CCDC18: variants seen among roughly 807,000 people sequenced by gnomAD.
CCDC18 encodes coiled-coil domain-containing protein 18.
CCDC18 carries 157 observed loss-of-function variants against 196.0 expected under a neutral mutation model. The ratio of observed to expected loss-of-function variants is 0.80; its 90% CI spans 0.70 to 0.91. CCDC18 has a LOEUF of 0.91. Among genes scored for constraint, CCDC18 ranks in the 40% least tolerant of loss-of-function variants. The pLI is 0.00. For synonymous variants in CCDC18, 482 were observed against 529.2 expected (o/e 0.91, Z 1.22); for missense variants, 1,465 against 1,611.6 (o/e 0.91, Z 1.56).
At chr1:93,201,258 T>C (rs759702215) in intron 6 of CCDC18, among the ~76,000 whole-genome samples, 17 of 152,170 alleles carry the variant, frequency 1.1e-4, no homozygotes, top group South Asian at 2.1e-4. Flanking sequence ...GGTTTAAATA[T>C]TAAAATATTT....
intron 23 of CCDC18, among the ~76,000 whole-genome samples, chr1:93,252,461 GTTTGA>G (rs939802715): frequency 4.6e-5 from 7 of 151,834 alleles, no homozygotes; most frequent in Non-Finnish European, 1.0e-4. Context: ...CAAAATTTTT[GTTTGA>G]TTTTTTAAAA....
chr1:93,255,656 A>G (rs564359923), intron 24 of CCDC18, among the ~76,000 whole-genome samples: 29 of 152,172 alleles, frequency 1.9e-4, no homozygotes, highest in Admixed American at 1.9e-3. Context: ...GGATTGCTTG[A>G]GCCTGGGAGG....
intron 2 of CCDC18, among the ~76,000 whole-genome samples, chr1:93,183,721 T>C (rs1650142348): frequency 4.6e-5 from 7 of 152,058 alleles, no homozygotes; most frequent in Admixed American, 3.3e-4. Context: ...GTATAAAATA[T>C]ATATTTTGGG....
chr1:93,232,256 C>T (rs997145567), intron 17 of CCDC18, among the ~76,000 whole-genome samples, 170 bp from the exon 18 acceptor site: 1 of 152,120 alleles, frequency 6.6e-6, no homozygotes, highest in Non-Finnish European at 1.5e-5. Flanking sequence ...AGTACATCTC[C>T]CCATTAGAAA....
chr1:93,219,410 T>C (rs1203744428), intron 14 of CCDC18, among the ~76,000 whole-genome samples: 1 of 152,204 alleles, frequency 6.6e-6, no homozygotes, highest in Non-Finnish European at 1.5e-5. Context: ...CATATCCAAA[T>C]TGGATCTGCA....
intron 17 of CCDC18, among the ~76,000 whole-genome samples, chr1:93,227,632 A>G (rs1293571068): frequency 6.6e-6 from 1 of 152,086 alleles, no homozygotes; most frequent in Non-Finnish European, 1.5e-5. Flanking sequence ...ATTTATTTTT[A>G]GAAATCGTTC....
chr1:93,254,647 G>A (rs753208961), intron 24 of CCDC18, 33 bp downstream of exon 24: 1 of 1,581,232 alleles, frequency 6.3e-7, no homozygotes, highest in South Asian at 1.1e-5. Context: ...AGGAACAAGT[G>A]GTAGTCTCTG....
At chr1:93,199,351 G>A (rs887530423) in intron 6 of CCDC18, among the ~76,000 whole-genome samples, 6 of 152,330 alleles carry the variant, frequency 3.9e-5, no homozygotes, top group South Asian at 2.1e-4. Context: ...GCGCCAGCAC[G>A]GGCGCCAGCT....
intron 18 of CCDC18, among the ~76,000 whole-genome samples, chr1:93,234,104 A>G (rs1453984567): frequency 6.6e-6 from 1 of 151,566 alleles, no homozygotes; most frequent in African/African-American, 2.4e-5. Flanking sequence ...TCACTTCTAT[A>G]ATGGTTGTAT....
intron 21 of CCDC18, among the ~76,000 whole-genome samples, chr1:93,240,330 A>C (rs1208904786): frequency 1.3e-5 from 2 of 152,180 alleles, no homozygotes; most frequent in East Asian, 3.8e-4. Flanking sequence ...GAGAAAAATA[A>C]AATGCCCCAA....
chr1:93,258,001 T>A (rs1288784446), intron 25 of CCDC18, among the ~76,000 whole-genome samples: 1 of 151,760 alleles, frequency 6.6e-6, no homozygotes, highest in Non-Finnish European at 1.5e-5. Flanking sequence ...TATTCCATCA[T>A]CTATAGTTTC....
At chr1:93,216,567 G>T in intron 12 of CCDC18, 69 bp from the exon 13 acceptor site, 2 of 728,024 alleles carry the variant, frequency 2.7e-6, no homozygotes, top group East Asian at 3.0e-5. Context: ...AGGAGCAGGT[G>T]TTTGATCTTA....
intron 27 of CCDC18, among the ~76,000 whole-genome samples, chr1:93,267,665 T>C (rs1472990228): frequency 2.0e-5 from 3 of 152,112 alleles, no homozygotes; most frequent in Non-Finnish European, 4.4e-5. Context: ...GAGAGCCAAA[T>C]TATGAGTGAA....
At chr1:93,269,426 T>TA (rs895604665) in intron 27 of CCDC18, among the ~76,000 whole-genome samples, 3 of 150,866 alleles carry the variant, frequency 2.0e-5, no homozygotes, top group Middle Eastern at 3.4e-3. Context: ...AAAGTATTTT[T>TA]AAAAAATCAT....
intron 19 of CCDC18, among the ~76,000 whole-genome samples, chr1:93,236,595 A>G (rs1423884678): frequency 6.6e-6 from 1 of 152,084 alleles, no homozygotes; most frequent in Non-Finnish European, 1.5e-5. Flanking sequence ...TAACCTTCCT[A>G]CTATAAGTTT....
At chr1:93,270,273 C>A in intron 27 of CCDC18, 74 bp from the exon 28 acceptor site, 1 of 810,474 alleles carries the variant, frequency 1.2e-6, no homozygotes, top group South Asian at 1.9e-5. Context: ...TTCTAAAAGT[C>A]TATGATTTTC....
At chr1:93,185,164 A>G (rs745979281) in intron 3 of CCDC18, among the ~76,000 whole-genome samples, 4 of 151,982 alleles carry the variant, frequency 2.6e-5, no homozygotes, top group Non-Finnish European at 5.9e-5. Flanking sequence ...AAGTGAAACT[A>G]TACCTAAGTA....
At chr1:93,192,158 T>C in intron 5 of CCDC18, 52 bp downstream of exon 5, 2 of 1,189,598 alleles carry the variant, frequency 1.7e-6, no homozygotes. Flanking sequence ...TTATACATTT[T>C]ATTATATCTT....
Position 93,221,723 on chromosome 1 carries a change from C to T in CCDC18, c.2077C>T (p.Leu693Phe). The T allele has an allele frequency of 6.3e-7, 1 of 1,599,102 alleles. No homozygotes were observed. The highest frequency in any genetic ancestry group is 1.8e-5 in the Admixed American group (1 of 55,622). ...KQHHLESLDR[L>F]LTESKGEMKK... ...ACATCATCTTGAATCACTAGATAGACTCTTGACGGAAAGCAAAGGGGTAAA... is the reference window on the plus strand; with the variant it reads ...ACATCATCTTGAATCACTAGATAGATTCTTGACGGAAAGCAAAGGGGTAAA... Residue 693 changes from leucine (L) to phenylalanine (F), a missense_variant, in exon 15 of 29, where the codon CTC becomes TTC. By Grantham distance (22) the Leu-to-Phe change is conservative. Coordinates refer to ENST00000690025, the MANE Select transcript of CCDC18 (RefSeq NM_001378204.1).
Sources: allele counts gnomAD v4.1 joint callset (sites outside exome capture counted in the v4.1 genomes callset), GRCh38; gene constraint gnomAD v4.1.1; transcripts MANE v1.5; gene names NCBI Gene and HGNC (gene_info 2026-07-23, HGNC 2026-07-21).